Variants in TMEM71 observed in about 807,000 individuals in gnomAD.
TMEM71 encodes transmembrane protein 71.
TMEM71 carries 44 observed loss-of-function variants against 38.0 expected under a neutral mutation model. The ratio of observed to expected loss-of-function variants is 1.16; its 90% CI spans 0.91 to 1.49. TMEM71 has a LOEUF of 1.49. TMEM71 is among the 40% of genes most tolerant of loss of function. The probability of loss-of-function intolerance (pLI) is 0.00; values close to 1 mark genes in which losing one functional copy is unlikely to be tolerated. For synonymous variants in TMEM71, 133 were observed against 122.5 expected, an observed-to-expected ratio of 1.09 and a Z score of -0.56; for missense variants, 367 against 348.6, an observed-to-expected ratio of 1.05 and a Z score of -0.42.
chr8:132,775,954 G>A, the TMEM71 span, among the ~76,000 whole-genome samples: 2 of 152,058 alleles, frequency 1.3e-5, no homozygotes, highest in African/African-American at 4.8e-5. Flanking sequence ...TTGGCCTGGC[G>A]GTCATTCTCT....
intron 9 of TMEM71, among the ~76,000 whole-genome samples, chr8:132,712,848 TTTCTTTTTGTTTTTAAGACAAA>T (rs1826309204): frequency 6.6e-6 from 1 of 152,148 alleles, no homozygotes; most frequent in Non-Finnish European, 1.5e-5. Flanking sequence ...CTTTTTTCTT[TTTCTTTTTGTTTTTAAGACAAA>T]TTCTCTCTCT....
the TMEM71 span, among the ~76,000 whole-genome samples, chr8:132,773,428 T>C: frequency 6.6e-6 from 1 of 152,246 alleles, no homozygotes; most frequent in Admixed American, 6.5e-5. Flanking sequence ...AACAATCATC[T>C]TTCCAGGGTG....
intron 2 of TMEM71, 86 bp from the exon 3 acceptor site, chr8:132,757,380 TGC>T: frequency 1.0e-6 from 1 of 968,176 alleles, no homozygotes; most frequent in Admixed American, 1.9e-5. Context: ...TATGTATAAT[TGC>T]AAACAGTGGA....
upstream of TMEM71, among the ~76,000 whole-genome samples, chr8:132,762,801 G>A (rs56771240): frequency 2.6e-5 from 4 of 152,050 alleles, no homozygotes; most frequent in East Asian, 5.8e-4. Flanking sequence ...CATATCCAAC[G>A]TGTGTCAGCA....
the TMEM71 span, among the ~76,000 whole-genome samples, chr8:132,773,299 G>A: frequency 6.6e-6 from 1 of 152,084 alleles, no homozygotes; most frequent in Admixed American, 6.5e-5. Flanking sequence ...ACTCCACAGA[G>A]GATTACTAAG....
chr8:132,750,660 A>G (rs983303045), intron 4 of TMEM71, among the ~76,000 whole-genome samples: 4 of 152,236 alleles, frequency 2.6e-5, no homozygotes, highest in African/African-American at 9.6e-5. Context: ...TATTGTGTCA[A>G]TAGCTGACTG....
chr8:132,764,104 T>C (rs529309004), upstream of TMEM71, among the ~76,000 whole-genome samples: 7 of 152,306 alleles, frequency 4.6e-5, no homozygotes, highest in Admixed American at 3.9e-4. Flanking sequence ...CTCCTCTCCA[T>C]GTAGCTTTTG....
the TMEM71 span, among the ~76,000 whole-genome samples, chr8:132,765,807 G>A: frequency 6.7e-6 from 1 of 149,808 alleles, no homozygotes; most frequent in Non-Finnish European, 1.5e-5. Flanking sequence ...ATTGTCTTTT[G>A]AGACAGAGTC....
intron 7 of TMEM71, among the ~76,000 whole-genome samples, chr8:132,718,375 A>G (rs1826649631): frequency 6.6e-6 from 1 of 151,054 alleles, no homozygotes; most frequent in Admixed American, 6.6e-5. Flanking sequence ...ACATTATGGA[A>G]TCTCCCTACC....
At chr8:132,707,296 G>A (rs1434586256), downstream of TMEM71, among the ~76,000 whole-genome samples, 4 of 152,198 alleles carry the variant, frequency 2.6e-5, no homozygotes, top group Non-Finnish European at 5.9e-5. Flanking sequence ...AGGTGAGGAT[G>A]TTGGAAGGGG....
the TMEM71 span, among the ~76,000 whole-genome samples, chr8:132,767,704 T>C: frequency 1.3e-5 from 2 of 152,146 alleles, no homozygotes; most frequent in South Asian, 2.1e-4. Flanking sequence ...CTCGATCTCC[T>C]GACCTCATGA....
intron 5 of TMEM71, among the ~76,000 whole-genome samples, chr8:132,735,228 A>G (rs1421185818): frequency 6.6e-6 from 1 of 152,214 alleles, no homozygotes; most frequent in African/African-American, 2.4e-5. Context: ...ATTGCAACTA[A>G]TGAGGAAAGG....
chr8:132,753,715 A>G (rs1459063464), intron 3 of TMEM71, among the ~76,000 whole-genome samples: 1 of 152,192 alleles, frequency 6.6e-6, no homozygotes, highest in Non-Finnish European at 1.5e-5. Flanking sequence ...GGTGAGTAAC[A>G]TTAATCCAGT....
At chr8:132,712,436 C>T (rs571027442) in intron 9 of TMEM71, among the ~76,000 whole-genome samples, 9 of 152,232 alleles carry the variant, frequency 5.9e-5, no homozygotes, top group African/African-American at 1.4e-4. Context: ...CCCTGCAGAT[C>T]GGATATTGGC....
chr8:132,743,645 C>A (rs1016817852), intron 5 of TMEM71, among the ~76,000 whole-genome samples: 2 of 151,908 alleles, frequency 1.3e-5, no homozygotes, highest in African/African-American at 4.8e-5. Flanking sequence ...CTTTCTAATC[C>A]ATCTCATCCA....
the TMEM71 span, among the ~76,000 whole-genome samples, chr8:132,770,130 G>T: frequency 3.3e-5 from 5 of 152,208 alleles, no homozygotes; most frequent in Non-Finnish European, 7.3e-5. Context: ...AACACCTACA[G>T]ATTAGGAATG....
At position 132,710,195 on chromosome 8, in the gene TMEM71, T is replaced by C. The variant is rs1586780064; in HGVS notation, c.*772A>G. On this transcript the variant is annotated 3_prime_UTR_variant, in exon 10 of 10. Coordinates refer to ENST00000677595, the MANE Select transcript of TMEM71 (RefSeq NM_001382403.1). ...CAGCCCTTGAGTCAAGGCTCAAGGG[T>C]ACAACTGCACCATTTTCATGCATTT... The C allele has an allele frequency of 1.3e-5, 2 of 152,054 alleles. No individual in the cohort carries two copies. Among genetic ancestry groups the C allele is most frequent in the South Asian group, 4.1e-4 (2 of 4,822 alleles). 9.4% of individuals were successfully genotyped at this position (152,054 alleles called of 1,614,324 possible).
At position 132,755,419 on chromosome 8, in the gene TMEM71, G is replaced by T. The variant is rs542309379; in HGVS notation, c.101+1815C>A. 1.2e-3 allele frequency among the ~76,000 whole-genome samples: 177 copies of T among 152,206 alleles called. 1 individual carries two copies. Among genetic ancestry groups the T allele is most frequent in the African/African-American group, 4.1e-3 (172 of 41,528 alleles). ...TTTAGTAGTGGATTCGTTTTTAGCA[G>T]GTCCTTTCCAATTGGTTTCTAAAGT... On this transcript the variant is annotated intron_variant, in intron 3 of 9. Transcript: ENST00000677595.
At chr8:132,738,124 G>T (rs1247326409) in intron 5 of TMEM71, among the ~76,000 whole-genome samples, 1 of 149,266 alleles carries the variant, frequency 6.7e-6, no homozygotes, top group Non-Finnish European at 1.5e-5. Context: ...ATGAATTATT[G>T]CATTTCATCC....
Sources: gnomAD v4.1 joint callset for allele counts (sites outside exome capture counted in the v4.1 genomes callset) on GRCh38, gnomAD v4.1.1 for gene constraint, MANE v1.5 for transcripts, NCBI Gene and HGNC (gene_info 2026-07-23, HGNC 2026-07-21) for gene names.